ADAMTS2: variants seen among roughly 807,000 people sequenced by gnomAD.
ADAMTS2 encodes the protein A disintegrin and metalloproteinase with thrombospondin motifs 2.
ADAMTS2 carries 50 observed loss-of-function variants against 123.0 expected under a neutral mutation model. The ratio of observed to expected loss-of-function variants is 0.41; its 90% CI spans 0.32 to 0.51. The LOEUF (loss-of-function observed/expected upper bound fraction) is 0.51, where lower values mean the gene tolerates loss of function less well. Among genes scored for constraint, ADAMTS2 ranks in the 20% least tolerant of loss-of-function variants. The pLI, the probability that ADAMTS2 is intolerant of heterozygous loss-of-function variation, is 0.35. For synonymous variants in ADAMTS2, 678 were observed against 695.4 expected, an observed-to-expected ratio of 0.98 and a Z score of 0.39; for missense variants, 1,494 against 1,705.2, an observed-to-expected ratio of 0.88 and a Z score of 2.18.
chr5:179,314,863 G>C lies in ADAMTS2; in HGVS notation c.534+28904C>G, dbSNP rs1190341192. 1.3e-5 allele frequency among the ~76,000 whole-genome samples: 2 copies of C among 151,894 alleles called. No homozygotes were observed. The highest frequency in any genetic ancestry group is 2.9e-5 in the Non-Finnish European group (2 of 67,962). On this transcript the variant is annotated intron_variant, in intron 2 of 21. Coordinates refer to ENST00000251582, the MANE Select transcript of ADAMTS2 (RefSeq NM_014244.5). This position sits in a 1 kb window ranked among gnomAD's most constrained non-coding sequence, Gnocchi z 4.5. ...CAACCAAGAGCTGCAAGGGACATAG[G>C]AATGTCCCTTAGCATGGCCCGGGAG... is the stretch of plus-strand genomic sequence containing the variant.
chr5:179,265,067 C>T lies in ADAMTS2; in HGVS notation c.688+7844G>A, dbSNP rs75156469. ...ACACTGAACCCTGCACCAAACTGCCCGCTGCCCACCCCACTCACCCACCTA... is the reference window on the plus strand; with the variant it reads ...ACACTGAACCCTGCACCAAACTGCCTGCTGCCCACCCCACTCACCCACCTA... On this transcript the variant is annotated intron_variant, in intron 3 of 21. Transcript: ENST00000251582. Among the ~76,000 whole-genome samples, 473 of 152,292 alleles carry T rather than the reference C, an allele frequency of 3.1e-3. 3 individuals carry two copies. Among genetic ancestry groups the T allele is most frequent in the African/African-American group, 0.011 (449 of 41,546 alleles).
At chr5:179,154,960 C>T in intron 6 of ADAMTS2, 41 bp from the exon 7 acceptor site, 1 of 1,577,750 alleles carries the variant, frequency 6.3e-7, no homozygotes, top group Middle Eastern at 1.9e-4. Context: ...CTGCCATAGC[C>T]TGGCCGGGAA....
intron 2 of ADAMTS2, among the ~76,000 whole-genome samples, chr5:179,280,393 G>T (rs1283194692): frequency 2.0e-5 from 3 of 152,126 alleles, no homozygotes; most frequent in Non-Finnish European, 4.4e-5. Flanking sequence ...CCCCTTGCAG[G>T]CCCCCAGTTC....
At chr5:179,178,331 C>G (rs895995736) in intron 5 of ADAMTS2, among the ~76,000 whole-genome samples, 1 of 114,960 alleles carries the variant, frequency 8.7e-6, no homozygotes, top group Non-Finnish European at 1.8e-5. Flanking sequence ...CACCCCCAGG[C>G]TCTGCATCTG....
Position 179,130,984 on chromosome 5 carries a change from T to C in ADAMTS2, c.2291-886A>G, listed in dbSNP as rs1383479231. Among the ~76,000 whole-genome samples the C allele has an allele frequency of 1.3e-5, 2 of 152,170 alleles. No individual in the cohort carries two copies. The highest frequency in any genetic ancestry group is 3.9e-4 in the East Asian group (2 of 5,168). ...CTGTTCACCTGCTTCAGGCAAGTGG[T>C]ACAGGTTTTTATATTTAGGGTAGCA... On this transcript the variant is annotated intron_variant, in intron 15 of 21. Coordinates refer to ENST00000251582, the MANE Select transcript of ADAMTS2 (RefSeq NM_014244.5). The surrounding 1 kb of genome is among the most constrained non-coding windows in gnomAD (Gnocchi z 4.3).
Position 179,130,013 on chromosome 5 carries a change from G to A in ADAMTS2, c.2376C>T (p.Gly792=), listed in dbSNP as rs779908624. ...CCTCGTCTCTGTACTCCCACTCCACGCCCATGGCAATGAAGGTTTTGGAAC... is the reference window on the plus strand; with the variant it reads ...CCTCGTCTCTGTACTCCCACTCCACACCCATGGCAATGAAGGTTTTGGAAC... ...DASSKTFIAM[G]VEWEYRDEDG... The change falls in exon 16 of 22, where the codon GGC becomes GGT. Residue 792 remains glycine (G), a synonymous_variant. Transcript: ENST00000251582. The surrounding 1 kb of genome is among the most constrained non-coding windows in gnomAD (Gnocchi z 4.3). The A allele has an allele frequency of 3.3e-5, 53 of 1,613,912 alleles. 1 individual carries two copies. In the South Asian group the frequency reaches 3.7e-4, roughly 11 times the overall value.
In ADAMTS2 at chr5:179,343,795, G is replaced by C. The variant is rs1285553207; in HGVS notation, c.506C>G (p.Ser169Cys). 1 of 1,611,792 alleles carries C rather than the reference G, an allele frequency of 6.2e-7. No homozygotes were observed. The highest frequency in any genetic ancestry group is 8.5e-7 in the Non-Finnish European group (1 of 1,179,738). The change falls in exon 2 of 22, where the codon TCT becomes TGT. Residue 169 changes from serine (S) to cysteine (C), a missense_variant. Ser to Cys is a moderately radical substitution (Grantham distance 112, BLOSUM62 -1). Coordinates refer to ENST00000251582, the MANE Select transcript of ADAMTS2 (RefSeq NM_014244.5). ...CCCATCGCAGTTGCTGAGCGCCACA[G>C]AGGAGGCTTCGGCTAGGCCGGCCAC... ...GDVAGLAEAS[S>C]VALSNCDGLA...
In ADAMTS2 at chr5:179,125,980, C is replaced by T. The variant is rs200247207; in HGVS notation, c.2750+18G>A. 19 of 1,613,186 alleles carry T rather than the reference C, an allele frequency of 1.2e-5. No homozygotes were observed. Among genetic ancestry groups the T allele is most frequent in the Admixed American group, 3.3e-5 (2 of 60,030 alleles). On this transcript the variant is annotated intron_variant, in intron 18 of 21. Transcript: ENST00000251582. ...TGGCCTGTCTCCTCTAGTGGGAGCC[C>T]GAGCTGGGGGCACTCACACTGGCTG...
In ADAMTS2 at chr5:179,242,991, T is replaced by G. The variant is rs571799469; in HGVS notation, c.688+29920A>C. The stretch of plus-strand genomic sequence containing the variant: ...GTCCAGCCTGCTTGCTAGAAAAATA[T>G]TCCATGCTAGGGGGAGGCAAACCAA... On this transcript the variant is annotated intron_variant, in intron 3 of 21. Coordinates refer to ENST00000251582, the MANE Select transcript of ADAMTS2 (RefSeq NM_014244.5). The surrounding 1 kb of genome is among the most constrained non-coding windows in gnomAD (Gnocchi z 4.2). 5.9e-5 allele frequency among the ~76,000 whole-genome samples: 9 copies of G among 152,186 alleles called. No individual in the cohort carries two copies. In the South Asian group the frequency reaches 1.9e-3, roughly 32 times the overall value.
rs924798729 is a variant in ADAMTS2 at position 179,343,748 on chromosome 5, T to C, written c.534+19A>G. 3 of 1,607,202 alleles carry C rather than the reference T, an allele frequency of 1.9e-6. No homozygotes were observed. In the African/African-American group the frequency reaches 4.0e-5, roughly 21 times the overall value. ...GCGAGAGCAGCGGAGAGAAAGGAGC[T>C]AGAGAAGTGCGTACTCACCAGCCCA... On this transcript the variant is annotated intron_variant, in intron 2 of 21. Transcript: ENST00000251582.
chr5:179,224,052 G>A (rs943648734), intron 3 of ADAMTS2, among the ~76,000 whole-genome samples: 7 of 152,232 alleles, frequency 4.6e-5, no homozygotes, highest in South Asian at 2.1e-4. Context: ...AGGGTAGGAC[G>A]AGGCGCAGCG....
At chr5:179,284,496 C>T (rs1042833489) in intron 2 of ADAMTS2, among the ~76,000 whole-genome samples, 12 of 151,996 alleles carry the variant, frequency 7.9e-5, no homozygotes, top group Non-Finnish European at 1.6e-4. Context: ...AAGCAATTCT[C>T]CTGCCTCAGC....
At chr5:179,240,279 G>T (rs1029213594) in intron 3 of ADAMTS2, among the ~76,000 whole-genome samples, 44 of 152,290 alleles carry the variant, frequency 2.9e-4, no homozygotes, top group African/African-American at 9.6e-4. Flanking sequence ...TTTGTTCAGG[G>T]GTACCCGTGC....
At chr5:179,329,290 G>A (rs768885929) in intron 2 of ADAMTS2, among the ~76,000 whole-genome samples, 1 of 149,740 alleles carries the variant, frequency 6.7e-6, no homozygotes, top group Non-Finnish European at 1.5e-5. Flanking sequence ...TAGTGCCACT[G>A]CGCTCCAGCC....
At chr5:179,207,469 T>TGGCCCGG in intron 4 of ADAMTS2, 44 bp downstream of exon 4, 1 of 1,483,346 alleles carries the variant, frequency 6.7e-7, no homozygotes, top group Non-Finnish European at 9.4e-7. Context: ...AGCCCCTGGT[T>TGGCCCGG]GACCCTCCCC....
At chr5:179,214,024 C>T (rs1764918985) in intron 3 of ADAMTS2, among the ~76,000 whole-genome samples, 1 of 152,176 alleles carries the variant, frequency 6.6e-6, no homozygotes, top group African/African-American at 2.4e-5. Context: ...GTCAAGCACA[C>T]ACGGGAGAAG....
chr5:179,246,920 GT>G (rs1260333415), intron 3 of ADAMTS2, among the ~76,000 whole-genome samples: 3 of 152,168 alleles, frequency 2.0e-5, no homozygotes, highest in Admixed American at 6.5e-5. Context: ...GCCCTGGGAA[GT>G]GGGGGGCATC....
At chr5:179,140,454 A>C (rs1455734935) in intron 10 of ADAMTS2, among the ~76,000 whole-genome samples, 1 of 152,236 alleles carries the variant, frequency 6.6e-6, no homozygotes, top group Admixed American at 6.5e-5. Flanking sequence ...TTTAGAGGAA[A>C]TACTATGGAA....
chr5:179,152,875 G>A (rs55863715), intron 9 of ADAMTS2, among the ~76,000 whole-genome samples: 190 of 152,226 alleles, frequency 1.2e-3, no homozygotes, highest in Non-Finnish European at 2.1e-3. Context: ...CCACTTGCTC[G>A]CTTTGTGGGC....
Sources: allele counts gnomAD v4.1 joint callset (sites outside exome capture counted in the v4.1 genomes callset), GRCh38; gene constraint gnomAD v4.1.1; non-coding constraint Gnocchi (gnomAD v3.1); transcripts MANE v1.5; gene names NCBI Gene and HGNC (gene_info 2026-07-23, HGNC 2026-07-21).